FMN1: variants seen among roughly 807,000 people sequenced by gnomAD.
The protein encoded by FMN1 is formin-1.
A neutral mutation model predicts 132.4 loss-of-function variants in FMN1; 110 were observed. That is an observed-to-expected ratio of 0.83 (90% CI 0.71 to 0.97). FMN1 has a LOEUF of 0.97. Ranked by LOEUF, FMN1 falls within the 50% of genes least tolerant of loss-of-function variation. The pLI, the probability that FMN1 is intolerant of heterozygous loss-of-function variation, is 0.00. For synonymous variants in FMN1, 722 were observed against 651.7 expected, an observed-to-expected ratio of 1.11 and a Z score of -1.64; for missense variants, 1,792 against 1,705.3, an observed-to-expected ratio of 1.05 and a Z score of -0.90.
chr15:32,884,994 C>A (rs2059861022), intron 16 of FMN1, among the ~76,000 whole-genome samples: 1 of 152,208 alleles, frequency 6.6e-6, no homozygotes, highest in African/African-American at 2.4e-5. Context: ...AGAAACTGTG[C>A]AGACATTATT....
chr15:33,032,419 G>A (rs981288830), intron 6 of FMN1, among the ~76,000 whole-genome samples: 1 of 152,100 alleles, frequency 6.6e-6, no homozygotes, highest in Non-Finnish European at 1.5e-5. Flanking sequence ...CATTAATCTT[G>A]TAATACTCCA....
At chr15:33,019,562 G>GAAT in intron 6 of FMN1, among the ~76,000 whole-genome samples, 1 of 151,920 alleles carries the variant, frequency 6.6e-6, no homozygotes, top group African/African-American at 2.4e-5. Context: ...CTCTGGCAGC[G>GAAT]CAGAAGCCCG....
intron 7 of FMN1, among the ~76,000 whole-genome samples, chr15:33,004,997 C>T (rs531635068): frequency 2.0e-5 from 3 of 152,090 alleles, no homozygotes; most frequent in Admixed American, 2.0e-4. Flanking sequence ...AATGAGAACA[C>T]GTGGACACAG....
rs866941264 is a variant in FMN1, at chr15:33,007,881, T to A, written c.2223+133A>T. 2.2e-5 allele frequency: 14 copies of A among 643,288 alleles called. No homozygotes were observed. The Middle Eastern group carries it at 3.1e-3, about 140-fold the overall frequency. The allele number at this position is 643,288 out of a possible 1,614,324, so 39.8% of individuals were successfully genotyped here. ...CTTTTCATTCCCTGTATAGACACAG[T>A]GCCTACTGGCAGCTGCAAGATGCGA... On this transcript the variant is annotated intron_variant, in intron 7 of 20. Coordinates refer to ENST00000616417, the MANE Select transcript of FMN1 (RefSeq NM_001277313.2).
intron 4 of FMN1, among the ~76,000 whole-genome samples, chr15:33,125,119 C>A (rs978858947): frequency 2.0e-5 from 3 of 151,924 alleles, no homozygotes; most frequent in African/African-American, 7.3e-5. Context: ...TAGAACATTA[C>A]ATCTAGGGAG....
At chr15:33,005,893 GCCTC>G (rs1314128178) in intron 7 of FMN1, among the ~76,000 whole-genome samples, 1 of 152,046 alleles carries the variant, frequency 6.6e-6, no homozygotes, top group African/African-American at 2.4e-5. Flanking sequence ...GGAGATAAGG[GCCTC>G]CCTCCTCTCC....
At chr15:33,018,645 C>T (rs1240896914) in intron 6 of FMN1, among the ~76,000 whole-genome samples, 2 of 152,114 alleles carry the variant, frequency 1.3e-5, no homozygotes, top group African/African-American at 4.8e-5. Flanking sequence ...ACCATTGTGT[C>T]CGGAATTGGT....
At chr15:33,151,402 G>A in intron 4 of FMN1, 1 of 1,535,604 alleles carries the variant, frequency 6.5e-7, no homozygotes, top group Non-Finnish European at 8.7e-7. Flanking sequence ...TAAAGGGAAT[G>A]TTGAGTGATT....
rs74008222 is a variant in FMN1 at position 33,165,791 on chromosome 15, T to C, written c.-131-10746A>G. Among the ~76,000 whole-genome samples, 791 of 152,298 alleles carry C rather than the reference T, an allele frequency of 5.2e-3. 4 individuals carry two copies. The highest frequency in any genetic ancestry group is 0.018 in the African/African-American group (766 of 41,568). On this transcript the variant is annotated intron_variant, in intron 3 of 20. Coordinates refer to ENST00000616417, the MANE Select transcript of FMN1 (RefSeq NM_001277313.2). ...GGTGCTTTGATGGTACTCTCATTTT[T>C]AAAGGTCTGCCACACAGTACAGCTC...
chr15:33,044,418 G>T (rs888799387), intron 6 of FMN1, among the ~76,000 whole-genome samples: 2 of 152,170 alleles, frequency 1.3e-5, no homozygotes, highest in African/African-American at 4.8e-5. Context: ...GGCCACCCAT[G>T]GACCAATCAG....
In FMN1 at chr15:33,193,991, G is replaced by A. The variant is rs1488220247; in HGVS notation, c.-279C>T. 6.6e-6 allele frequency: 1 copy of A among 152,056 alleles called. No individual in the cohort carries two copies. Among genetic ancestry groups the A allele is most frequent in the Non-Finnish European group, 1.5e-5 (1 of 68,054 alleles). The allele number at this position is 152,056 out of a possible 1,614,324, so 9.4% of individuals were successfully genotyped here. On this transcript the variant is annotated 5_prime_UTR_variant, in exon 2 of 21. Coordinates refer to ENST00000616417, the MANE Select transcript of FMN1 (RefSeq NM_001277313.2). The stretch of plus-strand genomic sequence containing the variant: ...ATGCTGTGGTGGTAGTGGCCTTGGA[G>A]GTGGTGGTAGTGGCAATGGTGATGA...
chr15:32,927,722 T>C lies in FMN1; in HGVS notation c.3139-1461A>G, dbSNP rs182061976. On this transcript the variant is annotated intron_variant, in intron 9 of 20. Transcript: ENST00000616417. ...ACCAAATCAGCTCCCTGGTAACATA[T>C]CACGAAGCTGCCACTAAGGGAAAAA... Among the ~76,000 whole-genome samples the C allele has an allele frequency of 7.1e-3, 1,081 of 152,250 alleles. 3 individuals are homozygous for C. The highest frequency in any genetic ancestry group is 0.012 in the Non-Finnish European group (799 of 68,020).
intron 4 of FMN1, chr15:33,106,122 G>C (rs2039475269): frequency 6.6e-6 from 1 of 151,994 alleles, no homozygotes; most frequent in Non-Finnish European, 1.5e-5. Flanking sequence ...TCTTATAAAT[G>C]GCAGAAAATA....
intron 3 of FMN1, among the ~76,000 whole-genome samples, chr15:33,171,761 C>A (rs888734412): frequency 6.6e-6 from 1 of 152,076 alleles, no homozygotes; most frequent in Non-Finnish European, 1.5e-5. Flanking sequence ...TTAGTTCTTG[C>A]TCAATCTAAG....
Position 32,944,668 on chromosome 15 carries a change from CA to C in FMN1, c.3139-18408del, listed in dbSNP as rs201953815. Among the ~76,000 whole-genome samples the C allele has an allele frequency of 6.9e-3, 1,043 of 152,160 alleles. 8 individuals are homozygous for C. Among genetic ancestry groups the C allele is most frequent in the African/African-American group, 0.024 (1,008 of 41,524 alleles). Reference sequence around the variant, plus strand: ...GAGAACGTATTTGGCACCCCATCCCCATCCTGACGAGACAGAAAAACCCTTT... The same window carrying C: ...GAGAACGTATTTGGCACCCCATCCCCTCCTGACGAGACAGAAAAACCCTTT... On this transcript the variant is annotated intron_variant, in intron 9 of 20. Coordinates refer to ENST00000616417, the MANE Select transcript of FMN1 (RefSeq NM_001277313.2).
At chr15:32,974,260 C>T (rs141728788) in intron 7 of FMN1, among the ~76,000 whole-genome samples, 4 of 152,276 alleles carry the variant, frequency 2.6e-5, no homozygotes, top group Non-Finnish European at 4.4e-5. Context: ...TGATTTGACC[C>T]CAATACATCA....
At chr15:32,887,000 A>C (rs1386510946) in intron 16 of FMN1, among the ~76,000 whole-genome samples, 1 of 149,678 alleles carries the variant, frequency 6.7e-6, no homozygotes, top group Non-Finnish European at 1.5e-5. Flanking sequence ...CAATGGGAGA[A>C]AAAAAACCCA....
At chr15:33,185,100 G>T (rs2140350000) in intron 2 of FMN1, among the ~76,000 whole-genome samples, 1 of 152,302 alleles carries the variant, frequency 6.6e-6, no homozygotes, top group South Asian at 2.1e-4. Context: ...TTTAAAGCAT[G>T]ATTATTGAAG....
intron 3 of FMN1, among the ~76,000 whole-genome samples, chr15:33,171,008 G>C (rs1965299939): frequency 6.6e-6 from 1 of 152,112 alleles, no homozygotes; most frequent in Admixed American, 6.5e-5. Flanking sequence ...AGTGGATAAA[G>C]AAAATGTGGT....
Sources: allele counts gnomAD v4.1 joint callset (sites outside exome capture counted in the v4.1 genomes callset), GRCh38; gene constraint gnomAD v4.1.1; transcripts MANE v1.5; gene names NCBI Gene and HGNC (gene_info 2026-07-23, HGNC 2026-07-21).